NDUFS3: variants seen among roughly 807,000 people sequenced by gnomAD.
NDUFS3 encodes the protein NADH:ubiquinone oxidoreductase core subunit S3.
A neutral mutation model predicts 30.8 loss-of-function variants in NDUFS3; 19 were observed. The ratio of observed to expected loss-of-function variants is 0.62; its 90% CI spans 0.43 to 0.91. NDUFS3 has a LOEUF of 0.91. Ranked by LOEUF, NDUFS3 falls within the 40% of genes least tolerant of loss-of-function variation. NDUFS3 has a pLI of 0.00. For missense variants in NDUFS3, 331 were observed against 342.0 expected (o/e 0.97, Z 0.25); for synonymous variants, 153 against 135.8 (o/e 1.13, Z -0.88).
chr11:47,580,873 T>C lies in NDUFS3; in HGVS notation c.270T>C (p.Pro90=). Residue 90 remains proline (P), a synonymous_variant, in exon 4 of 7, where the codon CCT becomes CCC. Transcript: ENST00000263774. ...CFNELEVCIH[P]DGVIPVLTFL... is the part of the protein sequence containing the mutation. ...ATGAGTTAGAGGTCTGTATCCATCC[T>C]GATGGCGTCATCCCAGTGCTGACTT... The C allele has an allele frequency of 6.2e-7, 1 of 1,614,248 alleles. No homozygotes were observed. The highest frequency in any genetic ancestry group is 8.5e-7 in the Non-Finnish European group (1 of 1,180,042).
In NDUFS3 at chr11:47,584,377, C is replaced by A. The variant is rs545846119; in HGVS notation, c.691C>A (p.Arg231Ser). The A allele has an allele frequency of 6.2e-7, 1 of 1,613,974 alleles. No individual in the cohort carries two copies. Among genetic ancestry groups the A allele is most frequent in the African/African-American group, 1.3e-5 (1 of 74,884 alleles). The change falls in exon 7 of 7, where the codon CGC becomes AGC. Residue 231 changes from arginine (R) to serine (S), a missense_variant. Arg to Ser is a moderately radical substitution (Grantham distance 110, BLOSUM62 -1). Coordinates refer to ENST00000263774, the MANE Select transcript of NDUFS3 (RefSeq NM_004551.3). The part of the protein sequence containing the change: ...AEPVELAQEF[R>S]KFDLNSPWEA... ...GCCGGTGGAGTTGGCCCAAGAGTTC[C>A]GCAAATTTGACCTGAACAGCCCCTG...
intron 3 of NDUFS3, 68 bp from the exon 4 acceptor site, chr11:47,580,767 C>T (rs771969345): frequency 4.6e-5 from 74 of 1,608,454 alleles, no homozygotes; most frequent in Non-Finnish European, 5.7e-5. Context: ...AACCAGGTGA[C>T]TCCAGCTGAA....
chr11:47,579,201 GC>G (rs2097266417), intron 1 of NDUFS3, 43 bp downstream of exon 1: 1 of 1,613,716 alleles, frequency 6.2e-7, no homozygotes. Context: ...AGGCGCAGCG[GC>G]GTGCCCAGTG....
chr11:47,582,626 A>G (rs555303915), intron 6 of NDUFS3, among the ~76,000 whole-genome samples, 158 bp downstream of exon 6: 4 of 152,330 alleles, frequency 2.6e-5, no homozygotes, highest in African/African-American at 9.6e-5. Context: ...AACCTGGGGC[A>G]AGTTACTTGG....
chr11:47,584,235 T>C (rs771637734), intron 6 of NDUFS3, 79 bp from the exon 7 acceptor site: 46 of 1,594,076 alleles, frequency 2.9e-5, no homozygotes, highest in Middle Eastern at 2.2e-4. Context: ...AAGTCACCAA[T>C]AGCCTTGTGA....
At position 47,583,347 on chromosome 11, in the gene NDUFS3, T is replaced by G. The variant is rs372504983; in HGVS notation, c.627+879T>G. Among the ~76,000 whole-genome samples the G allele has an allele frequency of 9.2e-5, 14 of 152,180 alleles. No individual in the cohort carries two copies. The East Asian group carries it at 1.7e-3, about 19-fold the overall frequency. On this transcript the variant is annotated intron_variant, in intron 6 of 6. Transcript: ENST00000263774. ...GATTACAGGTGTGAGCCACCACACC[T>G]GGCCAGTGTTATCCATTATTGTAAT...
intron 2 of NDUFS3, among the ~76,000 whole-genome samples, chr11:47,580,255 G>C (rs923185478): frequency 6.6e-6 from 1 of 152,252 alleles, no homozygotes; most frequent in Non-Finnish European, 1.5e-5. Context: ...CAGGCAATGT[G>C]AGGGAAGAAC....
chr11:47,581,692 G>A (rs1370985439), intron 4 of NDUFS3: 4 of 321,496 alleles, frequency 1.2e-5, no homozygotes, highest in Non-Finnish European at 2.4e-5. Context: ...CTACACTCTA[G>A]TGAAGGAGAA....
intron 1 of NDUFS3, 53 bp downstream of exon 1, chr11:47,579,211 T>G (rs1306184236): frequency 6.2e-7 from 1 of 1,613,814 alleles, no homozygotes; most frequent in Non-Finnish European, 8.5e-7. Context: ...GCGTGCCCAG[T>G]GCAGAGAGCT....
chr11:47,584,454 C>G lies in NDUFS3; in HGVS notation c.768C>G (p.Ala256=), dbSNP rs544439788. The G allele has an allele frequency of 1.2e-6, 2 of 1,614,056 alleles. No homozygotes were observed. Among genetic ancestry groups the G allele is most frequent in the Non-Finnish European group, 1.7e-6 (2 of 1,180,010 alleles). The change falls in exon 7 of 7, where the codon GCC becomes GCG. Residue 256 remains alanine, a synonymous_variant. Transcript: ENST00000263774. ...CCCCGGAGAGTCTCAAGCTTGAAGCCGGAGACAAGAAGCCTGATGCCAAGT... is the reference window on the plus strand; with the variant it reads ...CCCCGGAGAGTCTCAAGCTTGAAGCGGGAGACAAGAAGCCTGATGCCAAGT... ...RQPPESLKLE[A]GDKKPDAK
intron 6 of NDUFS3, 81 bp downstream of exon 6, chr11:47,582,549 T>TA: frequency 1.2e-6 from 2 of 1,604,218 alleles, no homozygotes; most frequent in Non-Finnish European, 1.7e-6. Flanking sequence ...TGGCAAGAAA[T>TA]ACGGTCTGTG....
intron 2 of NDUFS3, 137 bp from the exon 3 acceptor site, chr11:47,580,388 C>A: frequency 1.2e-6 from 1 of 809,170 alleles, no homozygotes; most frequent in Non-Finnish European, 2.1e-6. Flanking sequence ...AGAAGGGAAA[C>A]CTTTCACATG....
In NDUFS3 at chr11:47,582,344, C is replaced by A; in HGVS notation, c.508-5C>A. ...ATTGGCTGTTTGAGGTGGTCTCTTT[C>A]CTAGATCTGGGACATGTTTGGAGTC... On this transcript the variant is annotated splice_polypyrimidine_tract_variant and splice_region_variant and intron_variant, in intron 5 of 6. Coordinates refer to ENST00000263774, the MANE Select transcript of NDUFS3 (RefSeq NM_004551.3). 1 of 1,614,202 alleles carries A rather than the reference C, an allele frequency of 6.2e-7. No individual in the cohort carries two copies. The highest frequency in any genetic ancestry group is 8.5e-7 in the Non-Finnish European group (1 of 1,180,038).
rs560986343 is a variant in NDUFS3 at position 47,582,391 on chromosome 11, C to G, written c.550C>G (p.Leu184Val). The G allele has an allele frequency of 9.9e-6, 16 of 1,614,214 alleles. No individual in the cohort carries two copies. The East Asian group carries it at 3.1e-4, about 31-fold the overall frequency. The change falls in exon 6 of 7, where the codon CTA (leucine) becomes GTA (valine). Residue 184 changes from leucine to valine, a missense_variant. By Grantham distance (32) the Leu-to-Val change is conservative (BLOSUM62 1). Transcript: ENST00000263774. The part of the protein sequence containing the change: ...FGVFFANHPD[L>V]RRILTDYGFE... ...AGTCTTCTTTGCTAACCACCCTGAT[C>G]TAAGAAGGATCCTGACAGATTATGG...
In NDUFS3 at chr11:47,582,369, C is replaced by G. The variant is rs1298298205; in HGVS notation, c.528C>G (p.Val176=). 2 of 1,614,162 alleles carry G rather than the reference C, an allele frequency of 1.2e-6. No individual in the cohort carries two copies. The highest frequency in any genetic ancestry group is 2.2e-5 in the South Asian group (2 of 91,068). ...CCTAGATCTGGGACATGTTTGGAGT[C>G]TTCTTTGCTAACCACCCTGATCTAA... is the stretch of plus-strand genomic sequence containing the variant. The part of the protein sequence containing the change: ...YEREIWDMFG[V]FFANHPDLRR... The change falls in exon 6 of 7, where the codon GTC becomes GTG. Residue 176 remains valine, a synonymous_variant. Transcript: ENST00000263774.
At chr11:47,583,617 G>GT (rs2153795462) in intron 6 of NDUFS3, among the ~76,000 whole-genome samples, 1 of 152,304 alleles carries the variant, frequency 6.6e-6, no homozygotes, top group South Asian at 2.1e-4. Context: ...TTATAGCAAA[G>GT]TAACTGTTTA....
rs780581475 is a variant in NDUFS3 at position 47,580,585 on chromosome 11, T to G, written c.194T>G (p.Val65Gly). The G allele has an allele frequency of 1.2e-5, 20 of 1,614,106 alleles. No homozygotes were observed. The highest frequency in any genetic ancestry group is 1.7e-5 in the Admixed American group (1 of 60,004). Residue 65 changes from valine (V) to glycine (G), a missense_variant, in exon 3 of 7, where the codon GTG becomes GGG. Val to Gly is a moderately radical substitution (Grantham distance 109). Coordinates refer to ENST00000263774, the MANE Select transcript of NDUFS3 (RefSeq NM_004551.3). ...HKQLSAFGEY[V>G]AEILPKYVQQ... ...CAGCTCTCAGCTTTTGGAGAGTATG[T>G]GGCTGAAATCTTGCCCAAGTATGTC...
At chr11:47,580,026 CA>C (rs2097267477) in intron 2 of NDUFS3, among the ~76,000 whole-genome samples, 2 of 133,834 alleles carry the variant, frequency 1.5e-5, no homozygotes, top group Non-Finnish European at 3.2e-5. Context: ...CACACACACA[CA>C]CACCTGGGCC....
At chr11:47,580,499 T>C in intron 2 of NDUFS3, 26 bp from the exon 3 acceptor site, 1 of 1,612,840 alleles carries the variant, frequency 6.2e-7, no homozygotes, top group African/African-American at 1.3e-5. Flanking sequence ...CTCCATTTCT[T>C]TTTTAAATAT....
Sources: allele counts gnomAD v4.1 joint callset (sites outside exome capture counted in the v4.1 genomes callset), GRCh38; gene constraint gnomAD v4.1.1; transcripts MANE v1.5; gene names NCBI Gene and HGNC (gene_info 2026-07-23, HGNC 2026-07-21).